The following NHEJ1 variants were observed in gnomAD, a reference collection of about 807,000 sequenced individuals.
NHEJ1 encodes the protein non-homologous end joining factor 1.
NHEJ1 carries 22 observed loss-of-function variants against 39.4 expected under a neutral mutation model. The ratio of observed to expected loss-of-function variants is 0.56; its 90% confidence interval spans 0.40 to 0.80. NHEJ1 has a LOEUF of 0.80. Among genes scored for constraint, NHEJ1 ranks in the 30% least tolerant of loss-of-function variants. The pLI, the probability that NHEJ1 is intolerant of heterozygous loss-of-function variation, is 0.00. For missense variants in NHEJ1, 329 were observed against 357.1 expected, an observed-to-expected ratio of 0.92 and a Z score of 0.63; for synonymous variants, 154 against 135.6, an observed-to-expected ratio of 1.14 and a Z score of -0.94.
At chr2:219,109,223 A>C (rs1949340965) in intron 5 of NHEJ1, among the ~76,000 whole-genome samples, 1 of 152,186 alleles carries the variant, frequency 6.6e-6, no homozygotes, top group Non-Finnish European at 1.5e-5. Flanking sequence ...CATTTGGGCA[A>C]CTGGATAATA....
chr2:219,152,387 C>T (rs1392702332), intron 3 of NHEJ1, among the ~76,000 whole-genome samples: 1 of 152,156 alleles, frequency 6.6e-6, no homozygotes, highest in East Asian at 1.9e-4. Context: ...GGGAGAATCA[C>T]TTAGGCCCAG....
intron 5 of NHEJ1, among the ~76,000 whole-genome samples, chr2:219,143,078 A>G (rs1432777594): frequency 6.6e-6 from 1 of 152,124 alleles, no homozygotes; most frequent in East Asian, 1.9e-4. Flanking sequence ...AATAATCCCA[A>G]TGAGAATTTT....
At chr2:219,090,722 C>T (rs974801942) in intron 5 of NHEJ1, among the ~76,000 whole-genome samples, 2 of 152,186 alleles carry the variant, frequency 1.3e-5, no homozygotes, top group Non-Finnish European at 2.9e-5. Flanking sequence ...CGTGAATCAA[C>T]AGTAGGCCCT....
chr2:219,158,269 G>A lies in NHEJ1; in HGVS notation c.94C>T (p.Gln32Ter). 1 of 1,614,172 alleles carries A rather than the reference G, an allele frequency of 6.2e-7. No individual in the cohort carries two copies. The highest frequency in any genetic ancestry group is 8.5e-7 in the Non-Finnish European group (1 of 1,180,012). The change falls in exon 2 of 8, where the codon CAG becomes TAG. Residue 32 changes from glutamine (Q) to a stop codon, truncating the protein, a stop_gained. Transcript: ENST00000356853. LOFTEE classifies it high-confidence loss of function. ...SLLAKVFITK[Q>*]GYALLVSDLQ... ...TCTGAAACCAACAAGGCATAGCCCTGCTTGGTGATAAAAACCTTGGCCAAG... is the reference window on the plus strand; with the variant it reads ...TCTGAAACCAACAAGGCATAGCCCTACTTGGTGATAAAAACCTTGGCCAAG...
Position 219,159,599 on chromosome 2 carries a change from A to ATATG in NHEJ1, c.-1+1120_-1+1121insCATA, listed in dbSNP as rs1457337097. Among the ~76,000 whole-genome samples, 23 of 138,542 alleles carry ATATG rather than the reference A, an allele frequency of 1.7e-4. 1 individual carries two copies. The highest frequency in any genetic ancestry group is 5.0e-4 in the Admixed American group (7 of 13,906). The allele number at this position is 138,542 out of a possible 152,430, so 90.9% of individuals were successfully genotyped here. A position where few individuals can be genotyped will look rare whatever the true frequency, so the allele number is the denominator to read the frequency against. Reference sequence around the variant, plus strand: ...TGCATATATATATGCATATATATATATGCATATATATACATATACGTGGTG... The same window carrying ATATG: ...TGCATATATATATGCATATATATATATATGTGCATATATATACATATACGTGGTG... On this transcript the variant is annotated intron_variant, in intron 1 of 7. Coordinates refer to ENST00000356853, the MANE Select transcript of NHEJ1 (RefSeq NM_024782.3).
rs536975280 is a variant in NHEJ1, at chr2:219,123,367, C to T, written c.588+23313G>A. 1.8e-4 allele frequency among the ~76,000 whole-genome samples: 28 copies of T among 152,284 alleles called. No individual in the cohort carries two copies. In the South Asian group the frequency reaches 5.2e-3, roughly 28 times the overall value. ...GAGACTTAAGCGGAAAGCTATTCTA[C>T]GACTGATGCAGTGAGAGACAGAAGG... On this transcript the variant is annotated intron_variant, in intron 5 of 7. Transcript: ENST00000356853.
intron 1 of NHEJ1, among the ~76,000 whole-genome samples, chr2:219,159,713 G>A (rs1949910277): frequency 6.6e-6 from 1 of 151,450 alleles, no homozygotes; most frequent in Middle Eastern, 3.4e-3. Context: ...GGGGACAGAA[G>A]TGGTCATGGG....
chr2:219,160,321 G>C (rs188948688), intron 1 of NHEJ1, among the ~76,000 whole-genome samples: 1 of 152,078 alleles, frequency 6.6e-6, no homozygotes, highest in East Asian at 1.9e-4. Flanking sequence ...CGAACCCTAG[G>C]TCCCACCACA....
At chr2:219,155,820 G>A (rs555965775) in intron 3 of NHEJ1, among the ~76,000 whole-genome samples, 1 of 152,134 alleles carries the variant, frequency 6.6e-6, no homozygotes, top group Admixed American at 6.5e-5. Context: ...AGCTACGGGG[G>A]GCGCTGAGGC....
intron 5 of NHEJ1, among the ~76,000 whole-genome samples, chr2:219,131,375 C>T (rs1026714232): frequency 6.6e-6 from 1 of 152,132 alleles, no homozygotes; most frequent in Non-Finnish European, 1.5e-5. Context: ...AGACTAATTT[C>T]GAAATTAAAA....
chr2:219,143,994 C>T lies in NHEJ1; in HGVS notation c.588+2686G>A, dbSNP rs567184535. Reference sequence around the variant, plus strand: ...GGTGGGCGGACCACATGAGGCCAGGCATTCAAAACCAGCCTGGCCAACATG... The same window carrying T: ...GGTGGGCGGACCACATGAGGCCAGGTATTCAAAACCAGCCTGGCCAACATG... On this transcript the variant is annotated intron_variant, in intron 5 of 7. Coordinates refer to ENST00000356853, the MANE Select transcript of NHEJ1 (RefSeq NM_024782.3). 5.3e-4 allele frequency among the ~76,000 whole-genome samples: 81 copies of T among 152,194 alleles called. 2 individuals are homozygous for T. In the South Asian group the frequency reaches 8.7e-3, roughly 16 times the overall value.
At chr2:219,104,681 G>A (rs908266658) in intron 5 of NHEJ1, among the ~76,000 whole-genome samples, 6 of 151,824 alleles carry the variant, frequency 4.0e-5, no homozygotes, top group Admixed American at 2.6e-4. Flanking sequence ...TGGAAACTTC[G>A]CAGTAATCTT....
Position 219,076,377 on chromosome 2 carries a change from C to G in NHEJ1, c.*4G>C, listed in dbSNP as rs751613312. ...CCATCCTCAGCAGCTGAGGCCACAA[C>G]AGATTAACTGAAGAGACCCCTTGGC... On this transcript the variant is annotated 3_prime_UTR_variant, in exon 8 of 8. Transcript: ENST00000356853. 6.2e-7 allele frequency: 1 copy of G among 1,614,056 alleles called. No homozygotes were observed. The highest frequency in any genetic ancestry group is 8.5e-7 in the Non-Finnish European group (1 of 1,179,966).
chr2:219,074,929 C>T lies in NHEJ1; in HGVS notation c.*1452G>A, dbSNP rs1948998572. 1.3e-5 allele frequency among the ~76,000 whole-genome samples: 2 copies of T among 151,250 alleles called. No individual in the cohort carries two copies. Among genetic ancestry groups the T allele is most frequent in the Admixed American group, 6.6e-5 (1 of 15,192 alleles). On this transcript the variant is annotated 3_prime_UTR_variant, in exon 8 of 8. Coordinates refer to ENST00000356853, the MANE Select transcript of NHEJ1 (RefSeq NM_024782.3). Reference sequence around the variant, plus strand: ...TGGTGGAGATCTCAGACTCTGCTAGCAGGAAAAAGCATGAGGGTAAGTCCT... The same window carrying T: ...TGGTGGAGATCTCAGACTCTGCTAGTAGGAAAAAGCATGAGGGTAAGTCCT...
At position 219,074,867 on chromosome 2, in the gene NHEJ1, T is replaced by G. The variant is rs900260716; in HGVS notation, c.*1514A>C. Among the ~76,000 whole-genome samples, 17 of 151,200 alleles carry G rather than the reference T, an allele frequency of 1.1e-4. No individual in the cohort carries two copies. The highest frequency in any genetic ancestry group is 4.1e-4 in the African/African-American group (17 of 41,150). On this transcript the variant is annotated 3_prime_UTR_variant, in exon 8 of 8. Transcript: ENST00000356853. ...ACTCTAGGGTCCTGTGGTCTGGGGGTAAAGAAAAGTTATCAGCAGTGACTG... is the reference window on the plus strand; with the variant it reads ...ACTCTAGGGTCCTGTGGTCTGGGGGGAAAGAAAAGTTATCAGCAGTGACTG...
intron 1 of NHEJ1, among the ~76,000 whole-genome samples, chr2:219,158,582 T>C (rs928155878): frequency 1.3e-5 from 2 of 152,158 alleles, no homozygotes; most frequent in Admixed American, 6.5e-5. Flanking sequence ...GTTTTTTTTT[T>C]CCCATATTAC....
At chr2:219,119,562 TC>T (rs962643709) in intron 5 of NHEJ1, among the ~76,000 whole-genome samples, 1 of 149,818 alleles carries the variant, frequency 6.7e-6, no homozygotes, top group Non-Finnish European at 1.5e-5. Context: ...TCCCTCCCCC[TC>T]ACAAACCTGA....
At chr2:219,128,572 G>A (rs1485002070) in intron 5 of NHEJ1, among the ~76,000 whole-genome samples, 2 of 152,018 alleles carry the variant, frequency 1.3e-5, no homozygotes, top group African/African-American at 4.8e-5. Context: ...AGGAGTTGGC[G>A]GCCAGGTTAT....
intron 5 of NHEJ1, among the ~76,000 whole-genome samples, chr2:219,088,622 G>C (rs533435558): frequency 3.3e-4 from 51 of 152,304 alleles, no homozygotes; most frequent in African/African-American, 1.2e-3. Context: ...AGTCAGGATA[G>C]TGTAGTGGTG....
Sources: allele counts gnomAD v4.1 joint callset (sites outside exome capture counted in the v4.1 genomes callset), GRCh38; gene constraint gnomAD v4.1.1; transcripts MANE v1.5; gene names NCBI Gene and HGNC (gene_info 2026-07-23, HGNC 2026-07-21).